RNF41: variants seen among roughly 807,000 people sequenced by gnomAD.
RNF41 encodes the protein ring finger protein 41, also known as E3 ubiquitin-protein ligase NRDP1.
RNF41 carries 4 observed loss-of-function variants against 33.0 expected under a neutral mutation model. That is an observed-to-expected ratio of 0.12 (90% CI 0.06 to 0.28). The LOEUF (loss-of-function observed/expected upper bound fraction) is 0.28, where lower values mean the gene tolerates loss of function less well. RNF41 is among the 10% of genes least tolerant of loss of function. RNF41 has a pLI of 1.00. For missense variants in RNF41, 228 were observed against 432.6 expected, an observed-to-expected ratio of 0.53 and a Z score of 4.19; for synonymous variants, 164 against 153.2, an observed-to-expected ratio of 1.07 and a Z score of -0.52.
chr12:56,207,625 C>T (rs1423258009), intron 6 of RNF41, 21 bp downstream of exon 6: 1 of 1,544,298 alleles, frequency 6.5e-7, no homozygotes, highest in South Asian at 1.1e-5. Flanking sequence ...GAAATCACTC[C>T]ACGTCCTGAG....
At chr12:56,213,515 G>A (rs748446603) in intron 3 of RNF41, among the ~76,000 whole-genome samples, 2 of 152,140 alleles carry the variant, frequency 1.3e-5, no homozygotes, top group Non-Finnish European at 2.9e-5. Context: ...ACAGTAGGCA[G>A]GTAGAAGAGG....
chr12:56,212,598 GACACT>G (rs1565943439), intron 3 of RNF41, among the ~76,000 whole-genome samples: 1 of 151,862 alleles, frequency 6.6e-6, no homozygotes, highest in African/African-American at 2.4e-5. Context: ...GTGACCTCTT[GACACT>G]ACTACTTGAT....
chr12:56,214,783 T>C (rs1227843232), intron 2 of RNF41, among the ~76,000 whole-genome samples: 1 of 151,854 alleles, frequency 6.6e-6, no homozygotes, highest in Admixed American at 6.6e-5. Flanking sequence ...GAGCCGAGAT[T>C]GCACCACAGC....
chr12:56,213,929 C>T, intron 3 of RNF41, 29 bp downstream of exon 3: 1 of 1,466,708 alleles, frequency 6.8e-7, no homozygotes, highest in South Asian at 1.1e-5. Context: ...ACCTGTTGCC[C>T]CACCAAACCT....
Position 56,214,111 on chromosome 12 carries a change from C to T in RNF41, c.-23-41G>A, listed in dbSNP as rs559474407. On this transcript the variant is annotated intron_variant, in intron 2 of 6. Transcript: ENST00000345093. ...GAAAAAGAGGCCAGTTCAGAAGAAG[C>T]CTACAAATATGTGACAAACATACAC... 9.6e-6 allele frequency: 10 copies of T among 1,043,228 alleles called. No individual in the cohort carries two copies. In the African/African-American group the frequency reaches 1.6e-4, roughly 16 times the overall value. The allele number at this position is 1,043,228 out of a possible 1,614,324, so 64.6% of individuals were successfully genotyped here.
intron 3 of RNF41, among the ~76,000 whole-genome samples, chr12:56,213,591 G>C (rs966200793): frequency 4.6e-5 from 7 of 152,166 alleles, no homozygotes; most frequent in African/African-American, 1.7e-4. Context: ...AACTTATTAG[G>C]AGAGTCCAGA....
At chr12:56,218,698 T>C (rs1869098353) in intron 1 of RNF41, among the ~76,000 whole-genome samples, 1 of 148,390 alleles carries the variant, frequency 6.7e-6, no homozygotes. Flanking sequence ...ATATTTATTA[T>C]ATATATATAT....
At position 56,204,676 on chromosome 12, in the gene RNF41, G is replaced by A. The variant is rs1878760141; in HGVS notation, c.*1771C>T. 1 of 152,664 alleles carries A rather than the reference G, an allele frequency of 6.6e-6. No homozygotes were observed. Among genetic ancestry groups the A allele is most frequent in the African/African-American group, 2.4e-5 (1 of 41,414 alleles). The allele number at this position is 152,664 out of a possible 1,614,324, so 9.5% of individuals were successfully genotyped here. On this transcript the variant is annotated 3_prime_UTR_variant, in exon 7 of 7. Coordinates refer to ENST00000345093, the MANE Select transcript of RNF41 (RefSeq NM_005785.4). ...GACAGTATGAGCCTTGGTTAAGGCA[G>A]GTAGGGGAAAGGGGAGTGGAAGAAA... is the stretch of plus-strand genomic sequence containing the variant.
intron 3 of RNF41, among the ~76,000 whole-genome samples, chr12:56,212,235 G>A (rs561477146): frequency 6.6e-6 from 1 of 152,320 alleles, no homozygotes; most frequent in East Asian, 1.9e-4. Flanking sequence ...ATAGTTATCT[G>A]TGGGGGAATT....
rs577574606 is a variant in RNF41, at chr12:56,221,919, A to T, written c.-368T>A. On this transcript the variant is annotated 5_prime_UTR_variant, in exon 1 of 7. Coordinates refer to ENST00000345093, the MANE Select transcript of RNF41 (RefSeq NM_005785.4). ...GACTCCTACCACTCGTCGCCGCCTCAGACGGATCCTTTGCCCCGCCCACCG... is the reference window on the plus strand; with the variant it reads ...GACTCCTACCACTCGTCGCCGCCTCTGACGGATCCTTTGCCCCGCCCACCG... The T allele has an allele frequency of 6.6e-6, 1 of 152,554 alleles. No homozygotes were observed. Among genetic ancestry groups the T allele is most frequent in the African/African-American group, 2.4e-5 (1 of 41,584 alleles). 9.5% of individuals were successfully genotyped at this position (152,554 alleles called of 1,614,324 possible). A position where few individuals can be genotyped will look rare whatever the true frequency, so the allele number is the denominator to read the frequency against.
rs11548554 is a variant in RNF41 at position 56,221,831 on chromosome 12, G to T, written c.-280C>A. ...CTGAGGCCGCAGCGGCCACAGTACT[G>T]CCCTGGTGCCGGGTCCCAGCCTCTC... On this transcript the variant is annotated 5_prime_UTR_variant, in exon 1 of 7. Transcript: ENST00000345093. 0.041 allele frequency: 6,303 copies of T among 152,562 alleles called. 442 individuals carry two copies. Among genetic ancestry groups the T allele is most frequent in the African/African-American group, 0.14 (5,952 of 41,540 alleles). The allele number at this position is 152,562 out of a possible 1,614,324, so 9.5% of individuals were successfully genotyped here. A position where few individuals can be genotyped will look rare whatever the true frequency, so the allele number is the denominator to read the frequency against.
chr12:56,213,399 C>T (rs377267541), intron 3 of RNF41, among the ~76,000 whole-genome samples: 14 of 152,148 alleles, frequency 9.2e-5, no homozygotes, highest in African/African-American at 3.4e-4. Context: ...GGGGTTTCAC[C>T]ATGTTGGCCA....
chr12:56,210,118 G>T, intron 4 of RNF41, 179 bp downstream of exon 4: 3 of 643,682 alleles, frequency 4.7e-6, no homozygotes, highest in Admixed American at 2.9e-5. Flanking sequence ...AGAGCAAAAT[G>T]ATTATAGTTG....
chr12:56,214,178 G>A (rs549141643), intron 2 of RNF41, 108 bp from the exon 3 acceptor site: 95 of 708,504 alleles, frequency 1.3e-4, no homozygotes, highest in Non-Finnish European at 2.2e-4. Context: ...AATATTTACT[G>A]GGAGTCTACT....
chr12:56,217,702 C>A (rs1869011393), intron 1 of RNF41, among the ~76,000 whole-genome samples: 1 of 152,154 alleles, frequency 6.6e-6, no homozygotes, highest in South Asian at 2.1e-4. Flanking sequence ...AACAAGCGAG[C>A]ATTAAGGCCT....
intron 2 of RNF41, among the ~76,000 whole-genome samples, chr12:56,215,860 G>A (rs1232113655): frequency 4.6e-5 from 7 of 152,044 alleles, no homozygotes; most frequent in Non-Finnish European, 5.9e-5. Flanking sequence ...AGTGGCTCAC[G>A]CCTGTAATCC....
chr12:56,211,376 G>A (rs948173488), intron 3 of RNF41, among the ~76,000 whole-genome samples: 2 of 151,728 alleles, frequency 1.3e-5, no homozygotes, highest in Non-Finnish European at 2.9e-5. Context: ...TATTCCCTGT[G>A]CTCAAGATTA....
intron 3 of RNF41, 35 bp downstream of exon 3, chr12:56,213,923 G>A (rs1319148496): frequency 1.5e-6 from 2 of 1,361,304 alleles, no homozygotes; most frequent in Admixed American, 1.7e-5. Flanking sequence ...ACTGCTACCT[G>A]TTGCCCCACC....
chr12:56,219,338 C>A (rs1295555844), intron 1 of RNF41, among the ~76,000 whole-genome samples: 1 of 151,818 alleles, frequency 6.6e-6, no homozygotes, highest in Non-Finnish European at 1.5e-5. Flanking sequence ...ACTACAGGCG[C>A]CCGCCAGGAC....
Sources: gnomAD v4.1 joint callset for allele counts (sites outside exome capture counted in the v4.1 genomes callset) on GRCh38, gnomAD v4.1.1 for gene constraint, MANE v1.5 for transcripts, NCBI Gene and HGNC (gene_info 2026-07-23, HGNC 2026-07-21) for gene names.